The following RCOR1 variants were observed in gnomAD, a reference collection of about 807,000 sequenced individuals.
The protein encoded by RCOR1 is REST corepressor 1, also known as REST corepressor.
RCOR1 carries 12 observed loss-of-function variants against 64.0 expected under a neutral mutation model. That is an observed-to-expected ratio of 0.19 (90% confidence interval 0.12 to 0.30). The LOEUF is 0.30. Among genes scored for constraint, RCOR1 ranks in the 10% least tolerant of loss-of-function variants. The pLI is 1.00. For synonymous variants in RCOR1, 279 were observed against 227.2 expected (o/e 1.23, Z -2.05); for missense variants, 502 against 621.2 (o/e 0.81, Z 2.04).
chr14:102,704,888 G>A (rs1252986820), intron 4 of RCOR1, among the ~76,000 whole-genome samples: 3 of 152,276 alleles, frequency 2.0e-5, no homozygotes, highest in Non-Finnish European at 4.4e-5. Flanking sequence ...TACTTGGGAG[G>A]ATGAGATGGG....
intron 3 of RCOR1, among the ~76,000 whole-genome samples, chr14:102,685,741 C>T (rs984209337): frequency 3.3e-5 from 5 of 152,114 alleles, no homozygotes; most frequent in Admixed American, 6.5e-5. Flanking sequence ...GCGAGCTGAT[C>T]ACTTGAGCTC....
At chr14:102,681,409 T>C (rs1895300670) in intron 2 of RCOR1, among the ~76,000 whole-genome samples, 1 of 152,246 alleles carries the variant, frequency 6.6e-6, no homozygotes, top group African/African-American at 2.4e-5. Context: ...CCTTTTGGCC[T>C]ACTATTTTGC....
intron 2 of RCOR1, among the ~76,000 whole-genome samples, chr14:102,609,887 C>T (rs1893589957): frequency 6.6e-6 from 1 of 151,818 alleles, no homozygotes; most frequent in Non-Finnish European, 1.5e-5. Context: ...CCCCTGTAAT[C>T]CCAGCACTTT....
intron 2 of RCOR1, among the ~76,000 whole-genome samples, chr14:102,676,031 GTTT>G (rs199759549): frequency 0.3 from 42,907 of 142,610 alleles, 6,207 homozygotes; most frequent in East Asian, 0.39. Context: ...ATATTTCACA[GTTT>G]TTTTTTTTTT....
chr14:102,708,249 G>A (rs1180900950), intron 5 of RCOR1, among the ~76,000 whole-genome samples: 1 of 152,134 alleles, frequency 6.6e-6, no homozygotes, highest in East Asian at 1.9e-4. Flanking sequence ...ACAGGCGTGA[G>A]TCACCACATC....
At chr14:102,631,861 C>T (rs933842311) in intron 2 of RCOR1, among the ~76,000 whole-genome samples, 1 of 151,968 alleles carries the variant, frequency 6.6e-6, no homozygotes, top group Non-Finnish European at 1.5e-5. Context: ...AGTGCGGTGG[C>T]GCGATCTCGT....
intron 3 of RCOR1, among the ~76,000 whole-genome samples, chr14:102,688,349 T>C (rs367862410): frequency 6.6e-6 from 1 of 152,212 alleles, no homozygotes; most frequent in Non-Finnish European, 1.5e-5. Flanking sequence ...GTGACAAGTG[T>C]TGTCCTGGGG....
intron 2 of RCOR1, among the ~76,000 whole-genome samples, chr14:102,670,869 G>A (rs137855967): frequency 0.023 from 3,552 of 151,982 alleles, 132 homozygotes; most frequent in African/African-American, 0.076. Context: ...TGCCTCCCGG[G>A]TTCAAGCAAT....
intron 2 of RCOR1, among the ~76,000 whole-genome samples, chr14:102,600,429 T>C (rs572081583): frequency 5.3e-4 from 80 of 151,706 alleles, no homozygotes; most frequent in Non-Finnish European, 9.9e-4. Flanking sequence ...GAGACAGAGT[T>C]TTGCTCTTGT....
intron 7 of RCOR1, among the ~76,000 whole-genome samples, chr14:102,712,678 T>C (rs1042342842): frequency 2.0e-5 from 3 of 151,602 alleles, no homozygotes; most frequent in Admixed American, 1.3e-4. Context: ...TTTTTTTTTT[T>C]TGGTTGTATA....
intron 8 of RCOR1, among the ~76,000 whole-genome samples, chr14:102,718,289 G>A (rs1896106828): frequency 6.6e-6 from 1 of 152,148 alleles, no homozygotes; most frequent in African/African-American, 2.4e-5. Flanking sequence ...AGAGGAGGTG[G>A]GGGTGGAGGT....
intron 3 of RCOR1, among the ~76,000 whole-genome samples, chr14:102,691,447 A>C (rs148981664): frequency 2.0e-3 from 306 of 152,308 alleles, no homozygotes; most frequent in African/African-American, 7.0e-3. Context: ...CGATTCTAAA[A>C]TAAAAAGTTG....
In RCOR1 at chr14:102,606,373, C is replaced by G. The variant is rs1021319706; in HGVS notation, c.361+13048C>G. 4.6e-5 allele frequency among the ~76,000 whole-genome samples: 7 copies of G among 151,914 alleles called. 1 individual carries two copies. Among genetic ancestry groups the G allele is most frequent in the Middle Eastern group, 6.8e-3 (2 of 294 alleles). On this transcript the variant is annotated intron_variant, in intron 2 of 11. Coordinates refer to ENST00000262241, the MANE Select transcript of RCOR1 (RefSeq NM_015156.4). ...CACTGCACCTGACTGTATTTACACC[C>G]ATACTCTCCCTGAAGGTTGTAGTTC...
chr14:102,627,301 A>C (rs1229789481), intron 2 of RCOR1, among the ~76,000 whole-genome samples: 1 of 152,196 alleles, frequency 6.6e-6, no homozygotes, highest in Non-Finnish European at 1.5e-5. Context: ...TTGCATCATC[A>C]AATTTTTCAT....
At chr14:102,644,330 G>A (rs1011209547) in intron 2 of RCOR1, among the ~76,000 whole-genome samples, 12 of 152,220 alleles carry the variant, frequency 7.9e-5, no homozygotes, top group African/African-American at 2.9e-4. Flanking sequence ...GTAGTCACAA[G>A]TCTAGTCAGC....
intron 3 of RCOR1, among the ~76,000 whole-genome samples, chr14:102,693,050 G>A (rs1236132658): frequency 6.6e-6 from 1 of 152,116 alleles, no homozygotes; most frequent in East Asian, 1.9e-4. Flanking sequence ...ACAGGCCTGA[G>A]CTTCTGCTCC....
intron 8 of RCOR1, among the ~76,000 whole-genome samples, chr14:102,718,042 G>A (rs142853104): frequency 4.5e-4 from 69 of 152,262 alleles, no homozygotes; most frequent in African/African-American, 1.4e-3. Flanking sequence ...CAGCAAACTC[G>A]ACTAACAACA....
At chr14:102,667,655 A>G (rs1046132238) in intron 2 of RCOR1, among the ~76,000 whole-genome samples, 1 of 152,174 alleles carries the variant, frequency 6.6e-6, no homozygotes, top group Admixed American at 6.5e-5. Flanking sequence ...TGGAAACTGA[A>G]GGTCAGTGGC....
At chr14:102,685,347 T>G (rs1280245217) in intron 3 of RCOR1, among the ~76,000 whole-genome samples, 1 of 152,174 alleles carries the variant, frequency 6.6e-6, no homozygotes, top group Non-Finnish European at 1.5e-5. Context: ...GTATCATAAT[T>G]TAGCCTTTTT....
Sources: gnomAD v4.1 joint callset for allele counts (sites outside exome capture counted in the v4.1 genomes callset) on GRCh38, gnomAD v4.1.1 for gene constraint, MANE v1.5 for transcripts, NCBI Gene and HGNC (gene_info 2026-07-23, HGNC 2026-07-21) for gene names.